ZFP69B: variants seen among roughly 807,000 people sequenced by gnomAD.
ZFP69B encodes the protein ZFP69 zinc finger protein B.
In ZFP69B, 20 loss-of-function variants were observed where a neutral mutation model predicts 19.7. The observed-to-expected ratio is 1.02, with a 90% CI of 0.71 to 1.48. The LOEUF (loss-of-function observed/expected upper bound fraction) is 1.48. ZFP69B is among the 40% of genes most tolerant of loss of function. The pLI, the probability that ZFP69B is intolerant of heterozygous loss-of-function variation, is 0.00. For missense variants in ZFP69B, 583 were observed against 632.6 expected, an observed-to-expected ratio of 0.92 and a Z score of 0.84; for synonymous variants, 220 against 222.7, an observed-to-expected ratio of 0.99 and a Z score of 0.11.
At chr1:40,459,414 C>T (rs1569982613) in intron 4 of ZFP69B, among the ~76,000 whole-genome samples, 3 of 152,320 alleles carry the variant, frequency 2.0e-5, no homozygotes, top group Admixed American at 1.3e-4. Context: ...ACAAGTTTCT[C>T]ATCCTAACCT....
Position 40,457,335 on chromosome 1 carries a change from C to A in ZFP69B, c.341-9C>A. On this transcript the variant is annotated splice_polypyrimidine_tract_variant and intron_variant, in intron 3 of 4. Coordinates refer to ENST00000361584, the MANE Select transcript of ZFP69B (RefSeq NM_023070.3). ...TCAGCATATACAGTCTTTTCTTCCC[C>A]ATAAGCAGGATGTCAGCTTTCCAAA... 2 of 1,613,638 alleles carry A rather than the reference C, an allele frequency of 1.2e-6. No individual in the cohort carries two copies. The highest frequency in any genetic ancestry group is 2.2e-5 in the South Asian group (2 of 91,036).
intron 4 of ZFP69B, among the ~76,000 whole-genome samples, chr1:40,461,435 C>CT (rs774210565): frequency 4.6e-5 from 7 of 151,068 alleles, no homozygotes; most frequent in Non-Finnish European, 7.4e-5. Flanking sequence ...TTTTAAAATA[C>CT]TTTTTTTTTG....
Position 40,450,859 on chromosome 1 carries a change from T to G in ZFP69B, c.-103T>G. The G allele has an allele frequency of 7.5e-7, 1 of 1,331,900 alleles. No homozygotes were observed. The highest frequency in any genetic ancestry group is 9.8e-7 in the Non-Finnish European group (1 of 1,019,602). 82.5% of individuals were successfully genotyped at this position (1,331,900 alleles called of 1,614,324 possible). On this transcript the variant is annotated 5_prime_UTR_variant, in exon 1 of 5. Transcript: ENST00000361584. ...TCGGCGATTAAGGAGATCGGTACAA[T>G]TGGGAAGCCTCCTGTCAGAGCTTCC...
At chr1:40,461,870 C>A (rs1364609660) in intron 4 of ZFP69B, among the ~76,000 whole-genome samples, 1 of 152,134 alleles carries the variant, frequency 6.6e-6, no homozygotes, top group African/African-American at 2.4e-5. Flanking sequence ...TATCCTCTTG[C>A]AGTTCACATG....
chr1:40,452,213 A>T (rs1645193068), intron 1 of ZFP69B, among the ~76,000 whole-genome samples: 1 of 152,236 alleles, frequency 6.6e-6, no homozygotes, highest in Non-Finnish European at 1.5e-5. Flanking sequence ...TGGGGAACAG[A>T]TACTCACATG....
At chr1:40,456,472 A>G (rs970336640) in intron 2 of ZFP69B, among the ~76,000 whole-genome samples, 5 of 152,216 alleles carry the variant, frequency 3.3e-5, no homozygotes, top group African/African-American at 1.2e-4. Flanking sequence ...ACTAGGCAGA[A>G]TTCATGCTCC....
rs549378901 is a variant in ZFP69B, at chr1:40,459,716, C to G, written c.436+2277C>G. ...AATACGACATTTATCTTGTTTTTAC[C>G]TTAAAAAGAAAAACTAAACATCTCC... On this transcript the variant is annotated intron_variant, in intron 4 of 4. Transcript: ENST00000361584. 2.0e-5 allele frequency among the ~76,000 whole-genome samples: 3 copies of G among 152,146 alleles called. No individual in the cohort carries two copies. The South Asian group carries it at 6.2e-4, about 32-fold the overall frequency.
At chr1:40,453,430 A>G (rs191707589) in intron 1 of ZFP69B, among the ~76,000 whole-genome samples, 2,582 of 152,286 alleles carry the variant, frequency 0.017, 32 homozygotes, top group Non-Finnish European at 0.026. Context: ...ATAAAAAGCA[A>G]CCTGAGATAG....
chr1:40,453,959 TGA>T (rs1442945739), intron 1 of ZFP69B, among the ~76,000 whole-genome samples: 1 of 152,184 alleles, frequency 6.6e-6, no homozygotes, highest in East Asian at 1.9e-4. Flanking sequence ...GGGAAACCTT[TGA>T]GGATTTTTGA....
rs1345123471 is a variant in ZFP69B, at chr1:40,459,029, A to G, written c.436+1590A>G. On this transcript the variant is annotated intron_variant, in intron 4 of 4. Transcript: ENST00000361584. Reference sequence around the variant, plus strand: ...GTCTAAGGTGGTTCACATCACTTTCACTTTCATTCTCTTAACAGGAGAGAC... The same window carrying G: ...GTCTAAGGTGGTTCACATCACTTTCGCTTTCATTCTCTTAACAGGAGAGAC... Among the ~76,000 whole-genome samples, 3 of 152,186 alleles carry G rather than the reference A, an allele frequency of 2.0e-5. No individual in the cohort carries two copies. The East Asian group carries it at 5.8e-4, about 29-fold the overall frequency.
chr1:40,463,671 T>A lies in ZFP69B; in HGVS notation c.*82T>A, dbSNP rs932393347. 37 of 1,325,858 alleles carry A rather than the reference T, an allele frequency of 2.8e-5. No individual in the cohort carries two copies. The highest frequency in any genetic ancestry group is 3.6e-5 in the Non-Finnish European group (35 of 982,014). The allele number at this position is 1,325,858 out of a possible 1,614,324, so 82.1% of individuals were successfully genotyped here. On this transcript the variant is annotated 3_prime_UTR_variant, in exon 5 of 5. Coordinates refer to ENST00000361584, the MANE Select transcript of ZFP69B (RefSeq NM_023070.3). ...CCCTGATCCCTCAAAAATCCATTTGTTTTTGGATTTCCAAAAACGAACATT... is the reference window on the plus strand; with the variant it reads ...CCCTGATCCCTCAAAAATCCATTTGATTTTGGATTTCCAAAAACGAACATT...
rs1352175909 is a variant in ZFP69B, at chr1:40,462,594, A to G, written c.610A>G (p.Met204Val). Residue 204 changes from methionine to valine, a missense_variant, in exon 5 of 5, where the codon ATG becomes GTG. By Grantham distance (21) the Met-to-Val change is conservative. Transcript: ENST00000361584. ...AGAAAGCCAACAAGAGAACCAAAGA[A>G]TGGGTAAGGGGCAAATCCCCCTGAT... The part of the protein sequence containing the change: ...KLESQQENQR[M>V]GKGQIPLMCK... The G allele has an allele frequency of 6.2e-7, 1 of 1,614,124 alleles. No homozygotes were observed. Among genetic ancestry groups the G allele is most frequent in the South Asian group, 1.1e-5 (1 of 91,074 alleles).
At chr1:40,461,621 C>A (rs2124423623) in intron 4 of ZFP69B, among the ~76,000 whole-genome samples, 1 of 151,946 alleles carries the variant, frequency 6.6e-6, no homozygotes, top group East Asian at 1.9e-4. Flanking sequence ...ATGGTGAAAC[C>A]CCATCTCTAC....
At chr1:40,452,640 A>G (rs1356158318) in intron 1 of ZFP69B, among the ~76,000 whole-genome samples, 1 of 152,232 alleles carries the variant, frequency 6.6e-6, no homozygotes, top group Non-Finnish European at 1.5e-5. Context: ...CTGGTTTGGA[A>G]AAAATCCAGA....
In ZFP69B at chr1:40,460,758, G is replaced by A. The variant is rs1557513425; in HGVS notation, c.437-1663G>A. Reference sequence around the variant, plus strand: ...AGCACTTTGGGAGGCCGAGGCGGGCGGATCATAAGGTAAAGAGATCGAGAC... The same window carrying A: ...AGCACTTTGGGAGGCCGAGGCGGGCAGATCATAAGGTAAAGAGATCGAGAC... On this transcript the variant is annotated intron_variant, in intron 4 of 4. Transcript: ENST00000361584. 2.0e-5 allele frequency among the ~76,000 whole-genome samples: 3 copies of A among 151,918 alleles called. No individual in the cohort carries two copies. In the South Asian group the frequency reaches 6.2e-4, roughly 32 times the overall value.
intron 1 of ZFP69B, among the ~76,000 whole-genome samples, chr1:40,452,378 A>C (rs1366574536): frequency 6.6e-6 from 1 of 152,242 alleles, no homozygotes; most frequent in Non-Finnish European, 1.5e-5. Context: ...AATATAAAGC[A>C]CCTGGTACCA....
At chr1:40,454,444 G>T (rs2124415517) in intron 2 of ZFP69B, among the ~76,000 whole-genome samples, 156 bp downstream of exon 2, 1 of 152,004 alleles carries the variant, frequency 6.6e-6, no homozygotes, top group African/African-American at 2.4e-5. Context: ...TGTCACCCAG[G>T]CTGGAGTGCA....
Position 40,454,184 on chromosome 1 carries a change from G to T in ZFP69B, c.128-19G>T, listed in dbSNP as rs1314426172. 3 of 1,571,342 alleles carry T rather than the reference G, an allele frequency of 1.9e-6. No individual in the cohort carries two copies. Among genetic ancestry groups the T allele is most frequent in the East Asian group, 2.3e-5 (1 of 43,648 alleles). ...TGATTTGGGGAGATGCAAACCTCAT[G>T]GCTCTTTTCCTTCCCCAGCTCTGCT... is the stretch of plus-strand genomic sequence containing the variant. On this transcript the variant is annotated intron_variant, in intron 1 of 4. Transcript: ENST00000361584.
Position 40,450,863 on chromosome 1 carries a change from G to A in ZFP69B, c.-99G>A, listed in dbSNP as rs1028930546. The A allele has an allele frequency of 2.2e-6, 3 of 1,350,770 alleles. No homozygotes were observed. The highest frequency in any genetic ancestry group is 2.9e-6 in the Non-Finnish European group (3 of 1,035,164). 83.7% of individuals were successfully genotyped at this position (1,350,770 alleles called of 1,614,324 possible). ...CGATTAAGGAGATCGGTACAATTGGGAAGCCTCCTGTCAGAGCTTCCAGCA... is the reference window on the plus strand; with the variant it reads ...CGATTAAGGAGATCGGTACAATTGGAAAGCCTCCTGTCAGAGCTTCCAGCA... On this transcript the variant is annotated 5_prime_UTR_variant, in exon 1 of 5. Transcript: ENST00000361584.
Sources: gnomAD v4.1 joint callset for allele counts (sites outside exome capture counted in the v4.1 genomes callset) on GRCh38, gnomAD v4.1.1 for gene constraint, MANE v1.5 for transcripts, NCBI Gene and HGNC (gene_info 2026-07-23, HGNC 2026-07-21) for gene names.